UNC5C: variants seen among roughly 807,000 people sequenced by gnomAD.
The protein encoded by UNC5C is unc-5 netrin receptor C.
A neutral mutation model predicts 99.8 loss-of-function variants in UNC5C; 47 were observed. The ratio of observed to expected loss-of-function variants is 0.47; its 90% CI spans 0.37 to 0.60. The LOEUF is 0.60. UNC5C is among the 20% of genes least tolerant of loss of function. The pLI, the probability that UNC5C is intolerant of heterozygous loss-of-function variation, is 0.00. For missense variants in UNC5C, 1,062 were observed against 1,165.9 expected (o/e 0.91, Z 1.30); for synonymous variants, 487 against 452.2 (o/e 1.08, Z -0.98).
At chr4:95,240,490 A>T (rs1275367863) in intron 7 of UNC5C, among the ~76,000 whole-genome samples, 1 of 152,018 alleles carries the variant, frequency 6.6e-6, no homozygotes, top group Non-Finnish European at 1.5e-5. Context: ...CAGATGAAAG[A>T]GTTTATTGAC....
At chr4:95,393,791 TAC>T (rs1745426602) in intron 1 of UNC5C, among the ~76,000 whole-genome samples, 1 of 151,980 alleles carries the variant, frequency 6.6e-6, no homozygotes, top group African/African-American at 2.4e-5. Context: ...TTCCAAAAAT[TAC>T]AGAGTTGCTT....
At chr4:95,379,494 C>T in intron 1 of UNC5C, among the ~76,000 whole-genome samples, 1 of 152,232 alleles carries the variant, frequency 6.6e-6, no homozygotes, top group African/African-American at 2.4e-5. Context: ...CCATTTCTAC[C>T]ATTTTTCATT....
intron 1 of UNC5C, among the ~76,000 whole-genome samples, chr4:95,337,385 C>G (rs1341218947): frequency 6.6e-6 from 1 of 151,994 alleles, no homozygotes; most frequent in Non-Finnish European, 1.5e-5. Flanking sequence ...TTGTATACTA[C>G]CTTACCTTAT....
At chr4:95,405,661 G>T (rs1364204641) in intron 1 of UNC5C, among the ~76,000 whole-genome samples, 1 of 152,190 alleles carries the variant, frequency 6.6e-6, no homozygotes, top group African/African-American at 2.4e-5. Context: ...AGATGAGGAA[G>T]TAGAAGCAAA....
chr4:95,258,655 C>T (rs1740096765), intron 4 of UNC5C, among the ~76,000 whole-genome samples: 1 of 150,798 alleles, frequency 6.6e-6, no homozygotes, highest in African/African-American at 2.4e-5. Context: ...GTACTAAAAA[C>T]AGTTACACGG....
intron 1 of UNC5C, among the ~76,000 whole-genome samples, chr4:95,499,539 A>C (rs1413813578): frequency 1.3e-5 from 2 of 152,118 alleles, no homozygotes; most frequent in African/African-American, 4.8e-5. Flanking sequence ...CTTTTCATGC[A>C]ATCAATCATG....
At chr4:95,487,254 C>G (rs1381020279) in intron 1 of UNC5C, among the ~76,000 whole-genome samples, 4 of 151,778 alleles carry the variant, frequency 2.6e-5, no homozygotes, top group African/African-American at 9.7e-5. Context: ...TGCTTTGTAG[C>G]TCACAATGAA....
At chr4:95,425,830 T>G (rs1746466246) in intron 1 of UNC5C, among the ~76,000 whole-genome samples, 2 of 152,258 alleles carry the variant, frequency 1.3e-5, no homozygotes, top group South Asian at 4.1e-4. Flanking sequence ...TTGTGCACAT[T>G]TATTCATACC....
At chr4:95,274,898 C>T (rs188872193) in intron 4 of UNC5C, among the ~76,000 whole-genome samples, 9 of 152,002 alleles carry the variant, frequency 5.9e-5, no homozygotes, top group African/African-American at 1.7e-4. Flanking sequence ...TGGTGATGTG[C>T]GCCTGTAATT....
intron 1 of UNC5C, among the ~76,000 whole-genome samples, chr4:95,448,675 T>C (rs1252653228): frequency 6.6e-6 from 1 of 152,166 alleles, no homozygotes; most frequent in East Asian, 1.9e-4. Flanking sequence ...GTTCCTTTAA[T>C]AAATTGAATT....
At position 95,469,410 on chromosome 4, in the gene UNC5C, AT is replaced by A. The variant is rs953752874; in HGVS notation, c.124+79323del. ...GTTTAGGTTGTCATACAATGTCTTC[AT>A]TTTTTTCTCAAATCATATGTGAGTC... On this transcript the variant is annotated intron_variant, in intron 1 of 15. Transcript: ENST00000453304. 7.4e-4 allele frequency among the ~76,000 whole-genome samples: 112 copies of A among 152,118 alleles called. 1 individual carries two copies. In the Middle Eastern group the frequency reaches 0.02, roughly 28 times the overall value.
chr4:95,503,302 T>C (rs1316274149), intron 1 of UNC5C, among the ~76,000 whole-genome samples: 1 of 152,104 alleles, frequency 6.6e-6, no homozygotes, highest in African/African-American at 2.4e-5. Context: ...AAGTTGCCGG[T>C]ACCTTAATAT....
intron 1 of UNC5C, among the ~76,000 whole-genome samples, chr4:95,358,575 T>G (rs2149433559): frequency 6.6e-6 from 1 of 152,312 alleles, no homozygotes. Flanking sequence ...TTATTAAAAC[T>G]TCAAGTGGCT....
intron 1 of UNC5C, among the ~76,000 whole-genome samples, chr4:95,387,691 A>G (rs533516971): frequency 6.6e-6 from 1 of 152,362 alleles, no homozygotes; most frequent in Admixed American, 6.5e-5. Flanking sequence ...TGCCAGTGCA[A>G]AAAACAAAGT....
chr4:95,413,732 G>A (rs772916792), intron 1 of UNC5C, among the ~76,000 whole-genome samples: 8 of 152,070 alleles, frequency 5.3e-5, no homozygotes, highest in Non-Finnish European at 7.3e-5. Flanking sequence ...AACCATTTCC[G>A]CGTAGCCTAT....
rs936458095 is a variant in UNC5C at position 95,256,022 on chromosome 4, C to T, written c.595-5355G>A. 3.9e-5 allele frequency among the ~76,000 whole-genome samples: 6 copies of T among 152,058 alleles called. No homozygotes were observed. In the East Asian group the frequency reaches 1.2e-3, roughly 29 times the overall value. On this transcript the variant is annotated intron_variant, in intron 4 of 15. Coordinates refer to ENST00000453304, the MANE Select transcript of UNC5C (RefSeq NM_003728.4). The stretch of plus-strand genomic sequence containing the variant: ...ACTTGACTCACAGCAGCACGTGATC[C>T]GGTTACTCCCTTCCTCCTCCTGACT...
intron 14 of UNC5C, among the ~76,000 whole-genome samples, chr4:95,177,469 C>T (rs947604860): frequency 4.6e-5 from 7 of 152,184 alleles, no homozygotes; most frequent in African/African-American, 1.7e-4. Flanking sequence ...TGCACTGGCA[C>T]TGCAGGCGGT....
intron 1 of UNC5C, among the ~76,000 whole-genome samples, chr4:95,441,974 A>G (rs923572802): frequency 9.8e-5 from 15 of 152,286 alleles, no homozygotes; most frequent in Non-Finnish European, 2.1e-4. Flanking sequence ...GAGCAAAGAA[A>G]GGCAACCTGG....
intron 4 of UNC5C, among the ~76,000 whole-genome samples, chr4:95,262,821 T>A (rs9992592): frequency 0.52 from 76,641 of 147,982 alleles, 19,611 homozygotes; most frequent in East Asian, 0.59. Flanking sequence ...TTTCCCTATT[T>A]TTTTTTTTTT....
Sources: gnomAD v4.1 joint callset for allele counts (sites outside exome capture counted in the v4.1 genomes callset) on GRCh38, gnomAD v4.1.1 for gene constraint, MANE v1.5 for transcripts, NCBI Gene and HGNC (gene_info 2026-07-23, HGNC 2026-07-21) for gene names.